Variants in ZFAT observed in about 807,000 individuals in gnomAD.
ZFAT encodes zinc finger protein ZFAT.
Under a neutral mutation model 117.7 loss-of-function variants are expected in ZFAT, and 64 were observed. The ratio of observed to expected loss-of-function variants is 0.54; its 90% CI spans 0.44 to 0.67. The LOEUF (loss-of-function observed/expected upper bound fraction) is 0.67. Ranked by LOEUF, ZFAT falls within the 30% of genes least tolerant of loss-of-function variation. The probability of loss-of-function intolerance (pLI) is 0.00; values close to 1 mark genes in which losing one functional copy is unlikely to be tolerated. For synonymous variants in ZFAT, 679 were observed against 615.0 expected, an observed-to-expected ratio of 1.10 and a Z score of -1.54; for missense variants, 1,433 against 1,584.5, an observed-to-expected ratio of 0.90 and a Z score of 1.62.
the ZFAT span, chr8:134,791,895 G>A: frequency 6.6e-6 from 1 of 151,832 alleles, no homozygotes; most frequent in Non-Finnish European, 1.5e-5. Context: ...AGACTCAGGG[G>A]TTAAAAAAAA....
At chr8:134,544,696 G>C (rs1318433063) in intron 11 of ZFAT, among the ~76,000 whole-genome samples, 4 of 152,000 alleles carry the variant, frequency 2.6e-5, no homozygotes, top group African/African-American at 9.7e-5. Context: ...AGAAAGTAAA[G>C]AAATCCAAAC....
intron 12 of ZFAT, among the ~76,000 whole-genome samples, chr8:134,521,585 G>A (rs1328952887): frequency 6.6e-6 from 1 of 152,046 alleles, no homozygotes; most frequent in Non-Finnish European, 1.5e-5. Context: ...ACACGTTCCA[G>A]GAAGTGTTTA....
At chr8:134,522,222 A>T (rs538830227) in intron 12 of ZFAT, among the ~76,000 whole-genome samples, 3 of 152,254 alleles carry the variant, frequency 2.0e-5, no homozygotes, top group Non-Finnish European at 4.4e-5. Flanking sequence ...CCTCCACGGT[A>T]GAGCAGGAGC....
chr8:134,585,205 G>A (rs1406190598), intron 9 of ZFAT, among the ~76,000 whole-genome samples: 2 of 152,126 alleles, frequency 1.3e-5, no homozygotes, highest in Non-Finnish European at 2.9e-5. Flanking sequence ...CAAGAGCAGG[G>A]CCACAGCTGT....
intron 11 of ZFAT, among the ~76,000 whole-genome samples, chr8:134,534,892 G>C (rs576218661): frequency 1.3e-5 from 2 of 152,132 alleles, no homozygotes; most frequent in Non-Finnish European, 2.9e-5. Flanking sequence ...CCCACCGCCT[G>C]CTGCAAGAGC....
intron 1 of ZFAT, among the ~76,000 whole-genome samples, chr8:134,700,960 C>T (rs1833993561): frequency 6.6e-6 from 1 of 152,162 alleles, no homozygotes; most frequent in African/African-American, 2.4e-5. Flanking sequence ...ACCAAGCTTC[C>T]GGTGCCTCTT....
rs1420428023 is a variant in ZFAT, at chr8:134,657,552, C to G, written c.196+9G>C. On this transcript the variant is annotated intron_variant, in intron 2 of 15. Coordinates refer to ENST00000377838, the MANE Select transcript of ZFAT (RefSeq NM_020863.4). ...GAAGGTATCCTGCCCCACCCCCCAG[C>G]CCCCTTACCATCTCCGGTTTTGCTT... 3 of 1,603,382 alleles carry G rather than the reference C, an allele frequency of 1.9e-6. 1 individual carries two copies. The highest frequency in any genetic ancestry group is 3.4e-4 in the Middle Eastern group (2 of 5,966).
chr8:134,515,654 G>T (rs1468941169), intron 13 of ZFAT, among the ~76,000 whole-genome samples: 1 of 152,062 alleles, frequency 6.6e-6, no homozygotes, highest in African/African-American at 2.4e-5. Flanking sequence ...TTTTGATGGG[G>T]TTGTTTTTTT....
chr8:134,747,433 T>C, the ZFAT span, among the ~76,000 whole-genome samples: 20 of 152,328 alleles, frequency 1.3e-4, no homozygotes, highest in African/African-American at 4.8e-4. Context: ...TTAAGCATCC[T>C]TTCTGAAATC....
At chr8:134,558,213 C>G (rs1823792805) in intron 11 of ZFAT, among the ~76,000 whole-genome samples, 1 of 152,162 alleles carries the variant, frequency 6.6e-6, no homozygotes, top group South Asian at 2.1e-4. Context: ...AGAAAGCCCC[C>G]TAACTCTCTT....
chr8:134,514,473 G>T (rs1054944119), intron 13 of ZFAT, among the ~76,000 whole-genome samples: 5 of 152,038 alleles, frequency 3.3e-5, no homozygotes, highest in Admixed American at 2.6e-4. Flanking sequence ...ATCAACATCC[G>T]CAATAATCAT....
chr8:134,822,979 G>A, the ZFAT span, among the ~76,000 whole-genome samples: 1 of 152,138 alleles, frequency 6.6e-6, no homozygotes, highest in Non-Finnish European at 1.5e-5. Context: ...GGGAACATCT[G>A]TTCTCTACTA....
At chr8:134,702,157 T>C (rs768139499) in intron 1 of ZFAT, among the ~76,000 whole-genome samples, 1 of 152,222 alleles carries the variant, frequency 6.6e-6, no homozygotes, top group Non-Finnish European at 1.5e-5. Flanking sequence ...CCCCTTGACC[T>C]TGGCCTTCTC....
chr8:134,764,110 T>A, the ZFAT span, among the ~76,000 whole-genome samples: 1 of 152,202 alleles, frequency 6.6e-6, no homozygotes, highest in African/African-American at 2.4e-5. Flanking sequence ...ATCATTGTTA[T>A]AATATTTGTT....
chr8:134,490,103 C>G (rs754414219), intron 15 of ZFAT, among the ~76,000 whole-genome samples: 3 of 152,238 alleles, frequency 2.0e-5, no homozygotes, highest in Non-Finnish European at 4.4e-5. Context: ...GGTGTGACCA[C>G]AAGAGCCCTT....
At chr8:134,768,271 A>G in the ZFAT span, among the ~76,000 whole-genome samples, 3 of 152,274 alleles carry the variant, frequency 2.0e-5, no homozygotes, top group East Asian at 1.9e-4. Context: ...CTTGTGATCA[A>G]TGATCTTTGA....
Position 134,528,698 on chromosome 8 carries a change from G to A in ZFAT, c.3115+4136C>T, listed in dbSNP as rs1294017284. ...TACACTTCAATGACTCTAAAACTGG[G>A]GGACACAGCCCTCTGGGAGAAGCAG... On this transcript the variant is annotated intron_variant, in intron 12 of 15. Coordinates refer to ENST00000377838, the MANE Select transcript of ZFAT (RefSeq NM_020863.4). Among the ~76,000 whole-genome samples the A allele has an allele frequency of 3.3e-5, 5 of 152,256 alleles. No individual in the cohort carries two copies. The East Asian group carries it at 9.6e-4, about 29-fold the overall frequency.
At chr8:134,520,784 G>T in intron 13 of ZFAT, 99 bp downstream of exon 13, 3 of 902,456 alleles carry the variant, frequency 3.3e-6, no homozygotes, top group Non-Finnish European at 3.4e-6. Flanking sequence ...AAAATCTAAT[G>T]TTCTGAGGAA....
At chr8:134,662,361 T>G (rs13271002) in intron 1 of ZFAT, among the ~76,000 whole-genome samples, 15,618 of 152,160 alleles carry the variant, frequency 0.1, 1,050 homozygotes, top group Non-Finnish European at 0.16. Flanking sequence ...GAAGACCCAG[T>G]CCTTAGTGAC....
Sources: allele counts gnomAD v4.1 joint callset (sites outside exome capture counted in the v4.1 genomes callset), GRCh38; gene constraint gnomAD v4.1.1; transcripts MANE v1.5; gene names NCBI Gene and HGNC (gene_info 2026-07-23, HGNC 2026-07-21).